NAT10: variants seen among roughly 807,000 people sequenced by gnomAD.
NAT10 encodes the protein N-acetyltransferase 10.
Under a neutral mutation model 132.2 loss-of-function variants are expected in NAT10, and 109 were observed. The observed-to-expected ratio is 0.82, with a 90% CI of 0.71 to 0.97. The LOEUF (loss-of-function observed/expected upper bound fraction) is 0.97, where lower values mean the gene tolerates loss of function less well. NAT10 is among the 50% of genes least tolerant of loss of function. The pLI is 0.00. For synonymous variants in NAT10, 479 were observed against 478.0 expected (o/e 1.00, Z -0.03); for missense variants, 1,184 against 1,263.4 (o/e 0.94, Z 0.95).
intron 3 of NAT10, among the ~76,000 whole-genome samples, chr11:34,110,559 C>CCATTTT (rs1253094704): frequency 9.8e-6 from 1 of 101,742 alleles, no homozygotes; most frequent in African/African-American, 4.5e-5. Context: ...TTTTCTTTCC[C>CCATTTT]TTTTTTTTTT....
chr11:34,136,841 G>A lies in NAT10; in HGVS notation c.2162+66G>A, dbSNP rs1852225856. ...TTGAGAAAGAAGAGTTCTGTGGGCTGTGTGTCTCTGTTGGTAGCTGGTATC... is the reference window on the plus strand; with the variant it reads ...TTGAGAAAGAAGAGTTCTGTGGGCTATGTGTCTCTGTTGGTAGCTGGTATC... On this transcript the variant is annotated intron_variant, in intron 20 of 28. Coordinates refer to ENST00000257829, the MANE Select transcript of NAT10 (RefSeq NM_024662.3). 8 of 1,612,704 alleles carry A rather than the reference G, an allele frequency of 5.0e-6. No individual in the cohort carries two copies. The East Asian group carries it at 8.9e-5, about 18-fold the overall frequency.
chr11:34,141,166 G>C lies in NAT10; in HGVS notation c.2670G>C (p.Gln890His), dbSNP rs1279694280. Reference protein sequence around the residue: ...LEKEIELPSGQLMGLFNRIIR... With the variant: ...LEKEIELPSGHLMGLFNRIIR... ...AGGAGATTGAGCTGCCCTCGGGCCA[G>C]TTGATGGGACTTTTCAACCGGATCA... is the stretch of plus-strand genomic sequence containing the variant. The change falls in exon 25 of 29, where the codon CAG (glutamine) becomes CAC (histidine). Residue 890 changes from glutamine (Q) to histidine (H), a missense_variant. Coordinates refer to ENST00000257829, the MANE Select transcript of NAT10 (RefSeq NM_024662.3). The C allele has an allele frequency of 1.9e-6, 3 of 1,614,090 alleles. No homozygotes were observed. The African/African-American group carries it at 4.0e-5, about 22-fold the overall frequency.
intron 2 of NAT10, 94 bp from the exon 3 acceptor site, chr11:34,108,648 G>A (rs73501065): frequency 0.09 from 108,137 of 1,206,208 alleles, 5,468 homozygotes; most frequent in African/African-American, 0.17. Flanking sequence ...CTGGCCCTCA[G>A]TTTAGTTTCC....
At chr11:34,143,330 GC>G (rs1852374775) in intron 27 of NAT10, 114 bp from the exon 28 acceptor site, 1 of 889,872 alleles carries the variant, frequency 1.1e-6, no homozygotes, top group African/African-American at 1.7e-5. Flanking sequence ...ACACAGCTCA[GC>G]CTGGCTTTCA....
chr11:34,110,183 A>C (rs968948887), intron 3 of NAT10, among the ~76,000 whole-genome samples: 1 of 152,068 alleles, frequency 6.6e-6, no homozygotes, highest in Non-Finnish European at 1.5e-5. Flanking sequence ...TCCTTACTCT[A>C]AACCTAGCTG....
chr11:34,112,314 A>G (rs770421061), intron 4 of NAT10, 91 bp downstream of exon 4: 75 of 1,446,784 alleles, frequency 5.2e-5, no homozygotes, highest in Non-Finnish European at 6.5e-5. Flanking sequence ...ATGTACAGTA[A>G]GGAGAGGAGA....
chr11:34,122,685 TAGTTCTG>T, intron 9 of NAT10, 93 bp downstream of exon 9: 2 of 1,509,678 alleles, frequency 1.3e-6, no homozygotes, highest in Non-Finnish European at 9.0e-7. Context: ...CTCACGTTCC[TAGTTCTG>T]AGTTCTGAGT....
chr11:34,108,146 G>A, intron 1 of NAT10, 65 bp from the exon 2 acceptor site: 2 of 1,111,034 alleles, frequency 1.8e-6, no homozygotes, highest in Non-Finnish European at 2.7e-6. Context: ...CCCACAAAAG[G>A]CAGCCAGCTA....
intron 9 of NAT10, among the ~76,000 whole-genome samples, chr11:34,123,152 T>C (rs2132951655): frequency 6.6e-6 from 1 of 152,346 alleles, no homozygotes; most frequent in East Asian, 1.9e-4. Context: ...TCTTCCTTGG[T>C]GCTCTTTAGA....
chr11:34,142,710 C>T (rs558598669), intron 27 of NAT10, among the ~76,000 whole-genome samples: 1 of 152,304 alleles, frequency 6.6e-6, no homozygotes, highest in African/African-American at 2.4e-5. Flanking sequence ...AAGGATTCTA[C>T]TGCTAAAACC....
chr11:34,127,715 G>C (rs773899864), intron 12 of NAT10, 116 bp downstream of exon 12: 88 of 1,321,898 alleles, frequency 6.7e-5, no homozygotes, highest in Non-Finnish European at 9.0e-5. Flanking sequence ...GAGTCTCTGA[G>C]TGTTTGAGGC....
intron 1 of NAT10, chr11:34,107,377 A>G (rs972195711): frequency 2.0e-5 from 3 of 152,256 alleles, no homozygotes; most frequent in African/African-American, 7.2e-5. Flanking sequence ...ACAGTTGGAC[A>G]CATTACATCA....
chr11:34,128,131 G>A (rs190550823), intron 12 of NAT10, among the ~76,000 whole-genome samples: 9 of 152,016 alleles, frequency 5.9e-5, no homozygotes, highest in South Asian at 4.2e-4. Context: ...CGAGGCAGGC[G>A]GATCACAAGG....
At position 34,143,408 on chromosome 11, in the gene NAT10, T is replaced by C. The variant is rs1446653048; in HGVS notation, c.2886-37T>C. The stretch of plus-strand genomic sequence containing the variant: ...TTTCTCTTAAGCAGTCCCCTCTTCT[T>C]TCTAGCAGGCTTTGATAGTTCCCTT... On this transcript the variant is annotated intron_variant, in intron 27 of 28. Coordinates refer to ENST00000257829, the MANE Select transcript of NAT10 (RefSeq NM_024662.3). 3.2e-6 allele frequency: 5 copies of C among 1,575,500 alleles called. No individual in the cohort carries two copies. In the Admixed American group the frequency reaches 7.0e-5, roughly 22 times the overall value.
At chr11:34,142,155 A>T in intron 26 of NAT10, 120 bp from the exon 27 acceptor site, 2 of 926,342 alleles carry the variant, frequency 2.2e-6, no homozygotes, top group Non-Finnish European at 3.4e-6. Flanking sequence ...TTTTGCAGGT[A>T]GATGGAAGAG....
At chr11:34,124,673 A>G (rs930666303) in intron 11 of NAT10, among the ~76,000 whole-genome samples, 5 of 152,250 alleles carry the variant, frequency 3.3e-5, no homozygotes, top group African/African-American at 9.6e-5. Flanking sequence ...CTGATTAACT[A>G]AAAGAGAATC....
chr11:34,144,859 T>C (rs1357479181), intron 28 of NAT10, among the ~76,000 whole-genome samples: 1 of 152,216 alleles, frequency 6.6e-6, no homozygotes, highest in African/African-American at 2.4e-5. Context: ...CCTTAAAAGC[T>C]TATATTTTGG....
intron 8 of NAT10, among the ~76,000 whole-genome samples, chr11:34,120,301 A>AT (rs1851870093): frequency 6.6e-6 from 1 of 152,020 alleles, no homozygotes; most frequent in Admixed American, 6.6e-5. Context: ...TTCAGAGTTT[A>AT]TAACTTCTAT....
At position 34,124,287 on chromosome 11, in the gene NAT10, T is replaced by C; in HGVS notation, c.1009-15T>C. 1 of 1,570,662 alleles carries C rather than the reference T, an allele frequency of 6.4e-7. No homozygotes were observed. The highest frequency in any genetic ancestry group is 8.7e-7 in the Non-Finnish European group (1 of 1,146,248). ...CTTGTTTCTAAAGTTTGTCATTGGT[T>C]TGACTCCCCACCAGGAACATCTGGA... On this transcript the variant is annotated splice_polypyrimidine_tract_variant and intron_variant, in intron 10 of 28. Coordinates refer to ENST00000257829, the MANE Select transcript of NAT10 (RefSeq NM_024662.3).
Sources: allele counts gnomAD v4.1 joint callset (sites outside exome capture counted in the v4.1 genomes callset), GRCh38; gene constraint gnomAD v4.1.1; transcripts MANE v1.5; gene names NCBI Gene and HGNC (gene_info 2026-07-23, HGNC 2026-07-21).